Variants in VSTM2B observed in about 807,000 individuals in gnomAD.
VSTM2B encodes the protein V-set and transmembrane domain-containing protein 2B.
Under a neutral mutation model 24.0 loss-of-function variants are expected in VSTM2B, and 24 were observed. The observed-to-expected ratio is 1.00, with a 90% CI of 0.72 to 1.40. VSTM2B has a LOEUF of 1.40. Among genes scored for constraint, VSTM2B ranks in the 40% most tolerant of loss-of-function variants. The pLI, the probability that VSTM2B is intolerant of heterozygous loss-of-function variation, is 0.00. For synonymous variants in VSTM2B, 226 were observed against 194.4 expected (o/e 1.16, Z -1.35); for missense variants, 399 against 416.4 (o/e 0.96, Z 0.36).
Position 29,526,038 on chromosome 19 carries a change from C to G in VSTM2B, c.-546C>G, listed in dbSNP as rs895850740. Among the ~76,000 whole-genome samples, 1 of 152,020 alleles carries G rather than the reference C, an allele frequency of 6.6e-6. No individual in the cohort carries two copies. The highest frequency in any genetic ancestry group is 1.5e-5 in the Non-Finnish European group (1 of 67,964). ...TCCGCCACGCCGGACCCGCTCTCCC[C>G]GCGCTGCGCTGGGTCGGACGCCAGG... On this transcript the variant is annotated 5_prime_UTR_variant, in exon 1 of 5. Transcript: ENST00000335523. This position sits in a 1 kb window ranked among gnomAD's most constrained non-coding sequence, Gnocchi z 4.1.
intron 4 of VSTM2B, among the ~76,000 whole-genome samples, chr19:29,544,252 C>T (rs981776018): frequency 3.3e-5 from 5 of 151,808 alleles, no homozygotes; most frequent in South Asian, 2.1e-4. Flanking sequence ...TGCGGCCGGG[C>T]GCGGTGGCTC....
chr19:29,547,470 G>C (rs1970180923), intron 4 of VSTM2B, among the ~76,000 whole-genome samples: 1 of 152,218 alleles, frequency 6.6e-6, no homozygotes, highest in African/African-American at 2.4e-5. Flanking sequence ...GGTTCTGTCT[G>C]CTTGACTGGT....
intron 4 of VSTM2B, among the ~76,000 whole-genome samples, chr19:29,533,737 C>T (rs1969817445): frequency 6.6e-6 from 1 of 152,226 alleles, no homozygotes; most frequent in Admixed American, 6.5e-5. Flanking sequence ...AGCCTGCAGA[C>T]TGTGTTTTGG....
At chr19:29,561,467 C>T (rs2866077) in intron 4 of VSTM2B, among the ~76,000 whole-genome samples, 145,705 of 152,010 alleles carry the variant, frequency 0.96, 69,913 homozygotes, top group East Asian at 1. Flanking sequence ...CTACTAAAAA[C>T]ACAAAAAATT....
chr19:29,531,153 G>A (rs1261813180), intron 4 of VSTM2B, among the ~76,000 whole-genome samples: 1 of 152,050 alleles, frequency 6.6e-6, no homozygotes, highest in East Asian at 1.9e-4. Flanking sequence ...TGCCCAGTGT[G>A]CCCCTCCTCC....
intron 4 of VSTM2B, among the ~76,000 whole-genome samples, chr19:29,556,870 A>G (rs964322425): frequency 1.3e-5 from 2 of 152,240 alleles, no homozygotes; most frequent in African/African-American, 4.8e-5. Context: ...TCACTGCTCA[A>G]GGAAATCAGA....
At chr19:29,541,261 A>T (rs1970012462) in intron 4 of VSTM2B, among the ~76,000 whole-genome samples, 1 of 152,086 alleles carries the variant, frequency 6.6e-6, no homozygotes, top group Non-Finnish European at 1.5e-5. Flanking sequence ...TGCAATGTGG[A>T]GATTGGAGAG....
At chr19:29,527,729 G>A (rs1008522764) in intron 2 of VSTM2B, among the ~76,000 whole-genome samples, 3 of 152,078 alleles carry the variant, frequency 2.0e-5, no homozygotes, top group African/African-American at 7.2e-5. Context: ...AGCCCCCTTG[G>A]TCCCATCAGG....
intron 4 of VSTM2B, among the ~76,000 whole-genome samples, chr19:29,532,156 T>A (rs1428643250): frequency 6.6e-6 from 1 of 152,254 alleles, no homozygotes; most frequent in South Asian, 2.1e-4. Flanking sequence ...CTGGCAGCGC[T>A]TAACTCTCTC....
At position 29,563,957 on chromosome 19, in the gene VSTM2B, C is replaced by T. The variant is rs1391070891; in HGVS notation, c.*23C>T. On this transcript the variant is annotated 3_prime_UTR_variant, in exon 5 of 5. Coordinates refer to ENST00000335523, the MANE Select transcript of VSTM2B (RefSeq NM_001146339.2). ...TGACAGACAAGACCAACCCGAGCAT[C>T]TCAGAGGCCGCACATGACCTGCCCG... is the stretch of plus-strand genomic sequence containing the variant. 2 of 1,550,192 alleles carry T rather than the reference C, an allele frequency of 1.3e-6. No homozygotes were observed. The highest frequency in any genetic ancestry group is 4.9e-5 in the East Asian group (2 of 40,926).
intron 4 of VSTM2B, among the ~76,000 whole-genome samples, chr19:29,541,835 G>A (rs1376363130): frequency 1.3e-5 from 2 of 151,774 alleles, no homozygotes; most frequent in Admixed American, 6.6e-5. Context: ...ATGGGTAGAA[G>A]GAGAATGAGT....
chr19:29,545,779 A>G (rs989933339), intron 4 of VSTM2B, among the ~76,000 whole-genome samples: 6 of 152,152 alleles, frequency 3.9e-5, no homozygotes, highest in Admixed American at 6.6e-5. Flanking sequence ...GTGAGTCATG[A>G]GTGCTATGAT....
chr19:29,528,302 C>T (rs1969636815), intron 2 of VSTM2B, 131 bp from the exon 3 acceptor site: 1 of 1,151,862 alleles, frequency 8.7e-7, no homozygotes, highest in Non-Finnish European at 1.3e-6. Context: ...TTTGTGCCCT[C>T]AACCCCCATC....
intron 4 of VSTM2B, among the ~76,000 whole-genome samples, chr19:29,547,332 C>A (rs1354414271): frequency 4.6e-5 from 7 of 152,192 alleles, no homozygotes; most frequent in African/African-American, 1.7e-4. Context: ...GTTTCCCCAA[C>A]TATAAAATAG....
rs561770422 is a variant in VSTM2B, at chr19:29,529,860, G to A, written c.339G>A (p.Arg113=). The change falls in exon 4 of 5, where the codon CGG becomes CGA. Residue 113 remains arginine, a synonymous_variant. Coordinates refer to ENST00000335523, the MANE Select transcript of VSTM2B (RefSeq NM_001146339.2). The part of the protein sequence containing the change: ...VQGNDISHRL[R]LSAVRLQDEG... ...GCAATGACATCTCACACCGGCTTCG[G>A]CTGTCTGCCGTGCGGCTGCAGGACG... is the stretch of plus-strand genomic sequence containing the variant. 10 of 1,549,926 alleles carry A rather than the reference G, an allele frequency of 6.5e-6. No homozygotes were observed. In the African/African-American group the frequency reaches 9.6e-5, roughly 15 times the overall value.
chr19:29,528,714 G>A (rs1599874143), intron 3 of VSTM2B, among the ~76,000 whole-genome samples: 2 of 152,350 alleles, frequency 1.3e-5, no homozygotes, highest in Admixed American at 6.5e-5. Flanking sequence ...GCGCTGACCT[G>A]TAAAACTCCC....
Position 29,563,069 on chromosome 19 carries a change from C to G in VSTM2B, c.770-777C>G, listed in dbSNP as rs76228678. On this transcript the variant is annotated intron_variant, in intron 4 of 4. Transcript: ENST00000335523. ...CACAGCAACATCAGGATGCCCCAGA[C>G]AGGGTGCGTGGGAGTGTGAAGCTGT... Among the ~76,000 whole-genome samples, 1,244 of 152,182 alleles carry G rather than the reference C, an allele frequency of 8.2e-3. 45 individuals carry two copies. The East Asian group carries it at 0.1, about 12-fold the overall frequency.
intron 2 of VSTM2B, 82 bp downstream of exon 2, chr19:29,527,477 G>A (rs1406960729): frequency 3.9e-6 from 5 of 1,276,674 alleles, no homozygotes; most frequent in East Asian, 2.9e-5. Context: ...GGGAAGCAGC[G>A]GGCTTCACTC....
At chr19:29,551,761 G>A (rs1248776467) in intron 4 of VSTM2B, among the ~76,000 whole-genome samples, 3 of 152,232 alleles carry the variant, frequency 2.0e-5, no homozygotes. Context: ...ATGCTCCAGC[G>A]CTATTCCTGG....
Sources: gnomAD v4.1 joint callset for allele counts (sites outside exome capture counted in the v4.1 genomes callset) on GRCh38, gnomAD v4.1.1 for gene constraint, Gnocchi (gnomAD v3.1) non-coding constraint, MANE v1.5 for transcripts, NCBI Gene and HGNC (gene_info 2026-07-23, HGNC 2026-07-21) for gene names.